The following DOCK11 variants were observed in gnomAD, a reference collection of about 807,000 sequenced individuals.
The protein encoded by DOCK11 is dedicator of cytokinesis 11, also known as dedicator of cytokinesis protein 11.
In DOCK11, 70 loss-of-function variants were observed where a neutral mutation model predicts 169.1. The ratio of observed to expected loss-of-function variants is 0.41; its 90% CI spans 0.34 to 0.51. DOCK11 has a LOEUF of 0.51. DOCK11 is among the 20% of genes least tolerant of loss of function. The pLI is 0.10. For missense variants in DOCK11, 1,166 were observed against 1,538.8 expected (o/e 0.76, Z 4.05); for synonymous variants, 529 against 541.3 (o/e 0.98, Z 0.32).
intron 14 of DOCK11, among the ~76,000 whole-genome samples, chrX:118,581,088 A>G (rs1262431089): frequency 8.9e-6 from 1 of 111,994 alleles, no homozygotes; most frequent in Non-Finnish European, 1.9e-5. Context: ...CCCTTTTTCA[A>G]GTACAGGTTC....
At chrX:118,556,076 G>A (rs1419455123) in intron 6 of DOCK11, among the ~76,000 whole-genome samples, 5 of 102,852 alleles carry the variant, frequency 4.9e-5, no homozygotes, top group Non-Finnish European at 7.9e-5. Flanking sequence ...AGAGGATCTC[G>A]CTCTGTCTTC....
Position 118,652,009 on chromosome X carries a change from G to A in DOCK11, c.4627G>A (p.Gly1543Arg), listed in dbSNP as rs1327927294. Residue 1543 changes from glycine to arginine, a missense_variant, in exon 42 of 53, where the codon GGA becomes AGA. Transcript: ENST00000276202. ...SQLIADVALS[G>R]GSRFQESLFI... ...ACTGATAGCTGATGTAGCACTAAGCGGAGGATCAAGATTTCAGGAGTCTTT... is the reference window on the plus strand; with the variant it reads ...ACTGATAGCTGATGTAGCACTAAGCAGAGGATCAAGATTTCAGGAGTCTTT... 6 of 1,207,524 alleles carry A rather than the reference G, an allele frequency of 5.0e-6. No individual in the cohort carries two copies. Among genetic ancestry groups the A allele is most frequent in the East Asian group, 3.0e-5 (1 of 33,611 alleles).
chrX:118,627,556 G>A lies in DOCK11; in HGVS notation c.3641G>A (p.Ser1214Asn), dbSNP rs764735259. ...CGFTSPANRG[S>N]LSTDKDTAYG... Reference sequence around the variant, plus strand: ...TTTACTTCACCTGCCAATAGAGGGAGTCTGAGCACTGACAAAGACACCGGT... The same window carrying A: ...TTTACTTCACCTGCCAATAGAGGGAATCTGAGCACTGACAAAGACACCGGT... The change falls in exon 33 of 53, where the codon AGT (serine) becomes AAT (asparagine). Residue 1214 changes from serine to asparagine, a missense_variant. Ser to Asn is a conservative substitution (Grantham distance 46). Coordinates refer to ENST00000276202, the MANE Select transcript of DOCK11 (RefSeq NM_144658.4). 11 of 1,207,742 alleles carry A rather than the reference G, an allele frequency of 9.1e-6. No homozygotes were observed. Among genetic ancestry groups the A allele is most frequent in the Non-Finnish European group, 1.2e-5 (11 of 893,486 alleles).
rs191911644 is a variant in DOCK11, at chrX:118,669,189, C to A, written c.5077-1834C>A. 6.5e-3 allele frequency among the ~76,000 whole-genome samples: 726 copies of A among 111,165 alleles called. 3 individuals are homozygous for A. Among genetic ancestry groups the A allele is most frequent in the African/African-American group, 0.023 (687 of 30,523 alleles). On this transcript the variant is annotated intron_variant, in intron 45 of 52. Coordinates refer to ENST00000276202, the MANE Select transcript of DOCK11 (RefSeq NM_144658.4). ...GGCAGGAAGATAAATTAAGAAAAAA[C>A]AATAGTGAAATTTTGCACCTTAGCA...
intron 31 of DOCK11, among the ~76,000 whole-genome samples, chrX:118,623,027 C>T (rs2015013076): frequency 9.0e-6 from 1 of 111,650 alleles, no homozygotes; most frequent in African/African-American, 3.3e-5. Flanking sequence ...ACCAGCCTGG[C>T]CAACATAGTA....
chrX:118,514,565 GA>G (rs1569404146), intron 1 of DOCK11, among the ~76,000 whole-genome samples: 1 of 111,470 alleles, frequency 9.0e-6, no homozygotes, highest in African/African-American at 3.3e-5. Context: ...TCCTAGAGGG[GA>G]CTTCATGGCC....
chrX:118,639,590 G>A lies in DOCK11; in HGVS notation c.4144+13G>A, dbSNP rs1296136153. 1 of 1,202,922 alleles carries A rather than the reference G, an allele frequency of 8.3e-7. No individual in the cohort carries two copies. The highest frequency in any genetic ancestry group is 1.1e-6 in the Non-Finnish European group (1 of 889,729). ...ACACTTAATCACAGTAAGTGAAAAT[G>A]TGTGTGTGGTACCCATTTGACCTTA... On this transcript the variant is annotated intron_variant, in intron 38 of 52. Coordinates refer to ENST00000276202, the MANE Select transcript of DOCK11 (RefSeq NM_144658.4).
chrX:118,634,189 C>T (rs2015323841), intron 35 of DOCK11: 1 of 111,879 alleles, frequency 8.9e-6, no homozygotes. Context: ...GCTCTTTTAG[C>T]GCCAGCCATG....
chrX:118,606,275 G>A (rs1383061447), intron 24 of DOCK11, among the ~76,000 whole-genome samples: 1 of 110,752 alleles, frequency 9.0e-6, no homozygotes, highest in Non-Finnish European at 1.9e-5. Flanking sequence ...CACCATGTTG[G>A]TCGGGCTGGT....
chrX:118,604,312 G>A (rs990283597), intron 23 of DOCK11, among the ~76,000 whole-genome samples: 6 of 111,315 alleles, frequency 5.4e-5, no homozygotes, highest in African/African-American at 2.0e-4. Context: ...AAGAGAAATT[G>A]TACAGAGACC....
Position 118,614,791 on chromosome X carries a change from A to G in DOCK11, c.3180+16A>G. ...AGATCCTAAGGTAAGTTATAAGGAC[A>G]TGATTGTAGTGGATGTCAGACATCT... On this transcript the variant is annotated intron_variant, in intron 29 of 52. Coordinates refer to ENST00000276202, the MANE Select transcript of DOCK11 (RefSeq NM_144658.4). 3 of 1,066,995 alleles carry G rather than the reference A, an allele frequency of 2.8e-6. No homozygotes were observed. Among genetic ancestry groups the G allele is most frequent in the Non-Finnish European group, 2.6e-6 (2 of 773,926 alleles). 87.9% of individuals were successfully genotyped at this position (1,066,995 alleles called of 1,213,427 possible).
intron 31 of DOCK11, among the ~76,000 whole-genome samples, chrX:118,621,641 C>CTTT (rs1186402287): frequency 9.3e-6 from 1 of 107,342 alleles, no homozygotes; most frequent in Non-Finnish European, 1.9e-5. Context: ...ATATCTCTCT[C>CTTT]TTTTTTTTTT....
At chrX:118,597,744 G>A (rs1185312066) in intron 21 of DOCK11, among the ~76,000 whole-genome samples, 192 bp downstream of exon 21, 1 of 111,574 alleles carries the variant, frequency 9.0e-6, no homozygotes, top group Non-Finnish European at 1.9e-5. Context: ...TTTTATGTCT[G>A]TTGATTTTAA....
intron 27 of DOCK11, 53 bp from the exon 28 acceptor site, chrX:118,610,219 T>G: frequency 8.6e-7 from 1 of 1,162,171 alleles, no homozygotes; most frequent in East Asian, 3.0e-5. Context: ...AAAATGGCAA[T>G]TGATTTAGAC....
At chrX:118,639,598 G>A in intron 38 of DOCK11, 21 bp downstream of exon 38, 2 of 1,190,743 alleles carry the variant, frequency 1.7e-6, no homozygotes, top group Non-Finnish European at 2.3e-6. Context: ...ATGTGTGTGT[G>A]GTACCCATTT....
At chrX:118,628,996 T>C (rs1053115161) in intron 34 of DOCK11, among the ~76,000 whole-genome samples, 4 of 111,852 alleles carry the variant, frequency 3.6e-5, no homozygotes, top group African/African-American at 9.8e-5. Context: ...CTTTGTCTCC[T>C]ATATCATGGT....
At chrX:118,633,075 C>G (rs967411233) in intron 35 of DOCK11, 1 of 109,272 alleles carries the variant, frequency 9.2e-6, no homozygotes, top group Non-Finnish European at 1.9e-5. Context: ...AAGACACTCT[C>G]AGTATCACAT....
At chrX:118,506,268 A>C (rs1467160395) in intron 1 of DOCK11, among the ~76,000 whole-genome samples, 1 of 110,266 alleles carries the variant, frequency 9.1e-6, no homozygotes, top group Non-Finnish European at 1.9e-5. Context: ...AAAAAAAAAA[A>C]CAACAAAAAA....
chrX:118,556,855 C>A (rs2012714293), intron 6 of DOCK11, among the ~76,000 whole-genome samples: 1 of 110,404 alleles, frequency 9.1e-6, no homozygotes, highest in South Asian at 3.9e-4. Context: ...CTTTGGCTTG[C>A]TCTCTGTTTT....
Sources: allele counts gnomAD v4.1 joint callset (sites outside exome capture counted in the v4.1 genomes callset), GRCh38; gene constraint gnomAD v4.1.1; transcripts MANE v1.5; gene names NCBI Gene and HGNC (gene_info 2026-07-23, HGNC 2026-07-21).